Variants in UVRAG observed in about 807,000 individuals in gnomAD.
UVRAG encodes UV radiation resistance associated.
A neutral mutation model predicts 78.0 loss-of-function variants in UVRAG; 19 were observed. The observed-to-expected ratio is 0.24, with a 90% CI of 0.17 to 0.36. The LOEUF (loss-of-function observed/expected upper bound fraction) is 0.36. UVRAG is among the 10% of genes least tolerant of loss of function. The pLI, the probability that UVRAG is intolerant of heterozygous loss-of-function variation, is 1.00. For missense variants in UVRAG, 740 were observed against 853.8 expected, an observed-to-expected ratio of 0.87 and a Z score of 1.66; for synonymous variants, 323 against 324.6, an observed-to-expected ratio of 1.00 and a Z score of 0.05.
intron 14 of UVRAG, chr11:76,137,618 G>C (rs1952623928): frequency 2.7e-6 from 1 of 371,354 alleles, no homozygotes; most frequent in Non-Finnish European, 5.3e-6. Context: ...GACCATTTTG[G>C]CTGGGACCTG....
intron 9 of UVRAG, among the ~76,000 whole-genome samples, chr11:76,005,215 T>C (rs1949908622): frequency 6.6e-6 from 1 of 152,028 alleles, no homozygotes; most frequent in South Asian, 2.1e-4. Flanking sequence ...TGGTGGCGGA[T>C]GCCTATAGTC....
chr11:76,114,543 C>T lies in UVRAG; in HGVS notation c.1306-1381C>T, dbSNP rs114571826. ...CCCATCTGCAAAAGAAAAGGATTGG[C>T]TGAAATAATATTCAAGATACCTTTT... On this transcript the variant is annotated intron_variant, in intron 13 of 14. Transcript: ENST00000356136. 9.9e-3 allele frequency among the ~76,000 whole-genome samples: 1,503 copies of T among 152,208 alleles called. 33 individuals carry two copies. Among genetic ancestry groups the T allele is most frequent in the African/African-American group, 0.035 (1,448 of 41,516 alleles).
chr11:76,080,705 T>C lies in UVRAG; in HGVS notation c.1305+14917T>C, dbSNP rs112720449. 1.7e-3 allele frequency among the ~76,000 whole-genome samples: 260 copies of C among 152,320 alleles called. 1 individual carries two copies. Among genetic ancestry groups the C allele is most frequent in the African/African-American group, 6.0e-3 (249 of 41,554 alleles). ...TCAGCTTTAAAGAGGCTGGTCAAGC[T>C]ATGTATTTTTTCTCAGTAACGTGTA... On this transcript the variant is annotated intron_variant, in intron 13 of 14. Coordinates refer to ENST00000356136, the MANE Select transcript of UVRAG (RefSeq NM_003369.4).
intron 5 of UVRAG, among the ~76,000 whole-genome samples, chr11:75,903,925 T>C (rs77288712): frequency 0.012 from 1,799 of 152,356 alleles, 39 homozygotes; most frequent in East Asian, 0.033. Context: ...GACAGTCTTG[T>C]GTTGTTGCAG....
rs747810823 is a variant in UVRAG at position 75,851,951 on chromosome 11, T to C, written c.186T>C (p.Leu62=). Residue 62 remains leucine (L), a synonymous_variant, in exon 2 of 15, where the codon CTT becomes CTC. Coordinates refer to ENST00000356136, the MANE Select transcript of UVRAG (RefSeq NM_003369.4). ...NIVNRNGHQL[L]DTYFTLHLCS... is the part of the protein sequence containing the mutation. ...TTAATAGAAATGGCCATCAGCTCCT[T>C]GATACCTACTTTACACTTCACTTGT... 6.2e-7 allele frequency: 1 copy of C among 1,614,090 alleles called. No individual in the cohort carries two copies. The highest frequency in any genetic ancestry group is 8.5e-7 in the Non-Finnish European group (1 of 1,179,964).
At chr11:76,125,107 G>A (rs564119588) in intron 14 of UVRAG, among the ~76,000 whole-genome samples, 31 of 152,012 alleles carry the variant, frequency 2.0e-4, no homozygotes, top group Non-Finnish European at 3.8e-4. Flanking sequence ...GACCCTCTAG[G>A]GAAATGAAAA....
intron 13 of UVRAG, among the ~76,000 whole-genome samples, chr11:76,087,013 C>G (rs948507774): frequency 2.0e-5 from 3 of 152,220 alleles, no homozygotes; most frequent in African/African-American, 7.2e-5. Flanking sequence ...TTCCTAGTGT[C>G]TAACATTTTG....
chr11:75,815,234 G>GCGGCGGCAA lies in UVRAG; in HGVS notation c.-165_-157dup, dbSNP rs965107801. ...CGGTAATATGGCTCTTCCTTAGCCA[G>GCGGCGGCAA]CGGCGGCAACGGCGGCAGCGGCGGC... On this transcript the variant is annotated 5_prime_UTR_variant, in exon 1 of 15. Coordinates refer to ENST00000356136, the MANE Select transcript of UVRAG (RefSeq NM_003369.4). The GCGGCGGCAA allele has an allele frequency of 1.1e-4, 47 of 446,234 alleles. No individual in the cohort carries two copies. Among genetic ancestry groups the GCGGCGGCAA allele is most frequent in the African/African-American group, 3.1e-4 (15 of 48,608 alleles). 27.6% of individuals were successfully genotyped at this position (446,234 alleles called of 1,614,324 possible).
intron 3 of UVRAG, among the ~76,000 whole-genome samples, chr11:75,873,847 G>A (rs1416748074): frequency 6.6e-6 from 1 of 152,112 alleles, no homozygotes; most frequent in Non-Finnish European, 1.5e-5. Flanking sequence ...TCAGTTCCAG[G>A]GGAGCAGGCA....
intron 4 of UVRAG, among the ~76,000 whole-genome samples, chr11:75,882,583 T>TGTAGTC: frequency 6.6e-6 from 1 of 152,182 alleles, no homozygotes; most frequent in South Asian, 2.1e-4. Flanking sequence ...TTGCTTACCA[T>TGTAGTC]ACTTTTTATT....
intron 14 of UVRAG, among the ~76,000 whole-genome samples, chr11:76,140,112 CCTCTCTCT>C (rs745755879): frequency 3.7e-3 from 42 of 11,290 alleles, no homozygotes; most frequent in East Asian, 4.1e-3. Context: ...TCCCTCCCTC[CCTCTCTCT>C]CTCTCTCTCT....
chr11:76,122,598 A>G (rs762902182), intron 14 of UVRAG, among the ~76,000 whole-genome samples: 4 of 152,322 alleles, frequency 2.6e-5, no homozygotes, highest in Non-Finnish European at 5.9e-5. Flanking sequence ...TTTAAAATCA[A>G]ATGCATCCTT....
chr11:75,999,507 A>C (rs1358241844), intron 8 of UVRAG, among the ~76,000 whole-genome samples: 1 of 151,566 alleles, frequency 6.6e-6, no homozygotes, highest in African/African-American at 2.4e-5. Context: ...CAGCCTCCCG[A>C]GTAGCTGGGA....
At chr11:76,139,049 A>G (rs1952652202) in intron 14 of UVRAG, among the ~76,000 whole-genome samples, 1 of 152,206 alleles carries the variant, frequency 6.6e-6, no homozygotes, top group African/African-American at 2.4e-5. Context: ...GTAATTTACT[A>G]GTCTACTTGC....
chr11:76,041,228 G>A (rs752079505), intron 12 of UVRAG, among the ~76,000 whole-genome samples: 25 of 152,248 alleles, frequency 1.6e-4, no homozygotes, highest in South Asian at 8.3e-4. Flanking sequence ...AAGATCGTAC[G>A]CAATTGTGGA....
At chr11:75,938,916 G>A (rs1345264089) in intron 6 of UVRAG, among the ~76,000 whole-genome samples, 1 of 152,036 alleles carries the variant, frequency 6.6e-6, no homozygotes, top group Non-Finnish European at 1.5e-5. Context: ...CTACACTCAG[G>A]TAGACCACCT....
chr11:76,026,401 G>A (rs567963771), intron 12 of UVRAG, among the ~76,000 whole-genome samples: 133 of 152,104 alleles, frequency 8.7e-4, no homozygotes, highest in South Asian at 1.0e-3. Context: ...TGTTAATCAA[G>A]CTATTTTAGT....
chr11:75,885,110 GTATTTCTTTTTTAA>G (rs1327135289), intron 4 of UVRAG, among the ~76,000 whole-genome samples: 9 of 151,806 alleles, frequency 5.9e-5, no homozygotes, highest in African/African-American at 2.2e-4. Context: ...AATTTAAATG[GTATTTCTTTTTTAA>G]TATTTCTGTT....
At position 76,141,660 on chromosome 11, in the gene UVRAG, G is replaced by T; in HGVS notation, c.*247G>T. On this transcript the variant is annotated 3_prime_UTR_variant, in exon 15 of 15. Coordinates refer to ENST00000356136, the MANE Select transcript of UVRAG (RefSeq NM_003369.4). The stretch of plus-strand genomic sequence containing the variant: ...TTAAAGCAAAAATCACCCTCTAGTT[G>T]AAAGAGCTTACAGCTCGAGTCACCT... 1.9e-6 allele frequency: 1 copy of T among 519,522 alleles called. No individual in the cohort carries two copies. The highest frequency in any genetic ancestry group is 3.4e-5 in the East Asian group (1 of 29,754). The allele number at this position is 519,522 out of a possible 1,614,324, so 32.2% of individuals were successfully genotyped here.
Sources: gnomAD v4.1 joint callset for allele counts (sites outside exome capture counted in the v4.1 genomes callset) on GRCh38, gnomAD v4.1.1 for gene constraint, MANE v1.5 for transcripts, NCBI Gene and HGNC (gene_info 2026-07-23, HGNC 2026-07-21) for gene names.